SMOC2: variants seen among roughly 807,000 people sequenced by gnomAD.
SMOC2 encodes the protein SPARC related modular calcium binding 2, also known as SPARC-related modular calcium-binding protein 2.
Under a neutral mutation model 61.4 loss-of-function variants are expected in SMOC2, and 39 were observed. That is an observed-to-expected ratio of 0.64 (90% confidence interval 0.49 to 0.83). SMOC2 has a LOEUF of 0.83. SMOC2 is among the 40% of genes least tolerant of loss of function. The pLI, the probability that SMOC2 is intolerant of heterozygous loss-of-function variation, is 0.00. For synonymous variants in SMOC2, 247 were observed against 239.9 expected, an observed-to-expected ratio of 1.03 and a Z score of -0.27; for missense variants, 556 against 592.9, an observed-to-expected ratio of 0.94 and a Z score of 0.65.
chr6:168,591,414 A>G (rs9455670), intron 7 of SMOC2, among the ~76,000 whole-genome samples: 32,266 of 152,130 alleles, frequency 0.21, 3,794 homozygotes, highest in South Asian at 0.28. Flanking sequence ...CAACATTTAT[A>G]CTACAGAATT....
At chr6:168,450,165 A>G (rs1020701160) in intron 1 of SMOC2, among the ~76,000 whole-genome samples, 1 of 152,228 alleles carries the variant, frequency 6.6e-6, no homozygotes, top group Admixed American at 6.5e-5. Context: ...CCTTTCAAAG[A>G]CAGTCTAGGC....
chr6:168,476,484 G>GTGTGTA (rs34462682), intron 1 of SMOC2, among the ~76,000 whole-genome samples: 4,520 of 91,006 alleles, frequency 0.05, 124 homozygotes, highest in South Asian at 0.2. Flanking sequence ...GTGTGTGTAT[G>GTGTGTA]TGTGTGTGTG....
rs112432545 is a variant in SMOC2 at position 168,605,575 on chromosome 6, A to T, written c.825-2582A>T. 4.7e-3 allele frequency among the ~76,000 whole-genome samples: 715 copies of T among 152,208 alleles called. 8 individuals are homozygous for T. The highest frequency in any genetic ancestry group is 0.014 in the African/African-American group (584 of 41,540). The stretch of plus-strand genomic sequence containing the variant: ...GCAGAATACTGTCATGTAAATATAT[A>T]TTTTTATATTAGCATCAGTGATAGG... On this transcript the variant is annotated intron_variant, in intron 8 of 12. Coordinates refer to ENST00000356284, the MANE Select transcript of SMOC2 (RefSeq NM_001166412.2).
intron 1 of SMOC2, among the ~76,000 whole-genome samples, chr6:168,487,411 T>C (rs903385932): frequency 2.0e-5 from 3 of 152,236 alleles, no homozygotes; most frequent in African/African-American, 7.2e-5. Context: ...GGGAATTGCT[T>C]CTATATGGTG....
chr6:168,464,269 A>G (rs147991610), intron 1 of SMOC2, among the ~76,000 whole-genome samples: 289 of 151,686 alleles, frequency 1.9e-3, no homozygotes, highest in African/African-American at 6.3e-3. Context: ...GACGGACGGA[A>G]GGAAGGAAGG....
chr6:168,537,900 C>T (rs1419532280), intron 4 of SMOC2, among the ~76,000 whole-genome samples: 1 of 152,230 alleles, frequency 6.6e-6, no homozygotes, highest in Non-Finnish European at 1.5e-5. Flanking sequence ...CTCAGCCCTC[C>T]CAAGCCCACC....
At chr6:168,570,217 G>A (rs895907984) in intron 7 of SMOC2, among the ~76,000 whole-genome samples, 16 of 152,124 alleles carry the variant, frequency 1.1e-4, no homozygotes, top group African/African-American at 3.6e-4. Flanking sequence ...CTGAGCAGCC[G>A]AATGGGAATA....
At chr6:168,589,733 CTGG>C (rs2115170822) in intron 7 of SMOC2, among the ~76,000 whole-genome samples, 1 of 121,822 alleles carries the variant, frequency 8.2e-6, no homozygotes, top group East Asian at 2.5e-4. Context: ...GGCAGCCGGC[CTGG>C]TGGTGGTCAG....
At chr6:168,573,339 G>A (rs1436433635) in intron 7 of SMOC2, among the ~76,000 whole-genome samples, 3 of 122,320 alleles carry the variant, frequency 2.5e-5, no homozygotes, top group Admixed American at 2.3e-4. Context: ...CTCCTTGGAC[G>A]CGATGCTCAT....
At chr6:168,599,561 T>C (rs1018823565) in intron 8 of SMOC2, among the ~76,000 whole-genome samples, 55 of 3,538 alleles carry the variant, frequency 0.016, no homozygotes, top group Non-Finnish European at 0.02. Flanking sequence ...CATACCCCCA[T>C]ACACACCCAC....
At chr6:168,500,770 T>C (rs2609330) in intron 1 of SMOC2, among the ~76,000 whole-genome samples, 104,586 of 152,012 alleles carry the variant, frequency 0.69, 36,188 homozygotes, top group East Asian at 0.76. Context: ...ATGCATTCCG[T>C]GTCTACAAGG....
chr6:168,522,902 T>G (rs916450711), intron 2 of SMOC2, among the ~76,000 whole-genome samples: 3 of 151,742 alleles, frequency 2.0e-5, no homozygotes, highest in Non-Finnish European at 4.4e-5. Flanking sequence ...GGGGTTGAGG[T>G]GAGGGGGAAA....
chr6:168,523,334 C>T (rs549006277), intron 2 of SMOC2, among the ~76,000 whole-genome samples: 3 of 148,238 alleles, frequency 2.0e-5, no homozygotes, highest in East Asian at 2.0e-4. Context: ...AAGATCCACC[C>T]GCCTCGGCCT....
chr6:168,614,328 T>G (rs868547506), intron 9 of SMOC2, among the ~76,000 whole-genome samples: 1 of 36,988 alleles, frequency 2.7e-5, no homozygotes, highest in East Asian at 9.5e-4. Context: ...GGCCTCTTCA[T>G]ACCTACAGCC....
intron 9 of SMOC2, among the ~76,000 whole-genome samples, chr6:168,618,068 T>C (rs1786141248): frequency 6.6e-6 from 1 of 152,262 alleles, no homozygotes; most frequent in South Asian, 2.1e-4. Flanking sequence ...ATCTGTCCTA[T>C]GGCGTGTTAT....
chr6:168,520,708 C>T (rs981673567), intron 2 of SMOC2, among the ~76,000 whole-genome samples: 1 of 152,238 alleles, frequency 6.6e-6, no homozygotes, highest in East Asian at 1.9e-4. Flanking sequence ...AGTCTTGAGA[C>T]ACCATCTCTG....
intron 7 of SMOC2, among the ~76,000 whole-genome samples, chr6:168,584,195 G>C (rs1784993469): frequency 6.6e-6 from 1 of 152,224 alleles, no homozygotes; most frequent in Admixed American, 6.5e-5. Flanking sequence ...GGCCATGCAG[G>C]GTTGCAGGTA....
In SMOC2 at chr6:168,520,924, C is replaced by G. The variant is rs546462164; in HGVS notation, c.257-5422C>G. 3.9e-5 allele frequency among the ~76,000 whole-genome samples: 6 copies of G among 152,250 alleles called. 1 individual carries two copies. In the South Asian group the frequency reaches 1.2e-3, roughly 32 times the overall value. ...GTTTTGAAAAGTTTTCTCAAAGATC[C>G]CTTTTAACTGTTCCTTTTAATTGTT... On this transcript the variant is annotated intron_variant, in intron 2 of 12. Transcript: ENST00000356284.
intron 9 of SMOC2, among the ~76,000 whole-genome samples, chr6:168,618,851 G>A (rs959259783): frequency 2.0e-5 from 3 of 152,264 alleles, no homozygotes; most frequent in East Asian, 1.9e-4. Context: ...GAGAGACAGC[G>A]ATGGCAGGAA....
Sources: allele counts gnomAD v4.1 joint callset (sites outside exome capture counted in the v4.1 genomes callset), GRCh38; gene constraint gnomAD v4.1.1; transcripts MANE v1.5; gene names NCBI Gene and HGNC (gene_info 2026-07-23, HGNC 2026-07-21).